MARCHF1: variants seen among roughly 807,000 people sequenced by gnomAD.
MARCHF1 encodes the protein membrane associated ring-CH-type finger 1.
MARCHF1 carries 40 observed loss-of-function variants against 54.2 expected under a neutral mutation model. That is an observed-to-expected ratio of 0.74 (90% CI 0.57 to 0.96). MARCHF1 has a LOEUF of 0.96. Among genes scored for constraint, MARCHF1 ranks in the 40% least tolerant of loss-of-function variants. The pLI, the probability that MARCHF1 is intolerant of heterozygous loss-of-function variation, is 0.00. For missense variants in MARCHF1, 586 were observed against 656.5 expected, an observed-to-expected ratio of 0.89 and a Z score of 1.17; for synonymous variants, 236 against 236.3, an observed-to-expected ratio of 1.00 and a Z score of 0.01.
intron 2 of MARCHF1, among the ~76,000 whole-genome samples, chr4:164,027,474 CA>C (rs1753795827): frequency 6.8e-6 from 1 of 146,226 alleles, no homozygotes; most frequent in African/African-American, 2.5e-5. Flanking sequence ...TGATGATCTA[CA>C]AAGCTGACAA....
chr4:164,167,841 C>G (rs1335314953), intron 1 of MARCHF1, among the ~76,000 whole-genome samples: 3 of 151,834 alleles, frequency 2.0e-5, no homozygotes, highest in Admixed American at 2.0e-4. Context: ...CATAGAAGAG[C>G]TTCTTGACAT....
At chr4:164,258,391 T>TATAATAATAATA (rs201820317) in intron 1 of MARCHF1, among the ~76,000 whole-genome samples, 3,842 of 145,912 alleles carry the variant, frequency 0.026, 89 homozygotes, top group African/African-American at 0.061. Context: ...GAACTTAAAG[T>TATAATAATAATA]ATAATAATAA....
At chr4:164,041,163 A>T (rs899895358) in intron 2 of MARCHF1, among the ~76,000 whole-genome samples, 1 of 152,126 alleles carries the variant, frequency 6.6e-6, no homozygotes, top group Non-Finnish European at 1.5e-5. Flanking sequence ...ATATCTAGAT[A>T]TTTGTCACTT....
chr4:163,879,701 A>G (rs1364705518), intron 3 of MARCHF1, among the ~76,000 whole-genome samples: 2 of 152,182 alleles, frequency 1.3e-5, no homozygotes, highest in Admixed American at 1.3e-4. Flanking sequence ...GATTACTGAA[A>G]AAAAGTCACA....
intron 1 of MARCHF1, among the ~76,000 whole-genome samples, chr4:164,324,193 T>C (rs1735214696): frequency 6.6e-6 from 1 of 151,846 alleles, no homozygotes; most frequent in African/African-American, 2.4e-5. Context: ...ATCATACAAT[T>C]ATAACATTAG....
In MARCHF1 at chr4:164,320,181, C is replaced by A. The variant is rs189942701; in HGVS notation, c.-323+63689G>T. Among the ~76,000 whole-genome samples, 547 of 152,226 alleles carry A rather than the reference C, an allele frequency of 3.6e-3. 5 individuals carry two copies. The highest frequency in any genetic ancestry group is 0.013 in the African/African-American group (525 of 41,536). ...GCTGGAGAAATGATGGAAACCAAAA[C>A]GATATTTCTATCTTCCTGGTATTAA... On this transcript the variant is annotated intron_variant, in intron 1 of 9. Coordinates refer to ENST00000514618, the MANE Select transcript of MARCHF1 (RefSeq NM_001394959.1).
At chr4:163,639,661 C>T (rs528113769) in intron 5 of MARCHF1, among the ~76,000 whole-genome samples, 2 of 152,228 alleles carry the variant, frequency 1.3e-5, no homozygotes, top group East Asian at 3.9e-4. Flanking sequence ...TAAAAATCTT[C>T]CCTGCTTGTC....
At chr4:164,158,093 T>C (rs939789958) in intron 1 of MARCHF1, among the ~76,000 whole-genome samples, 6 of 152,212 alleles carry the variant, frequency 3.9e-5, no homozygotes, top group African/African-American at 9.6e-5. Flanking sequence ...TGATGCTATA[T>C]TTGAAATCCA....
chr4:164,143,025 G>C (rs1161503551), intron 1 of MARCHF1, among the ~76,000 whole-genome samples: 26 of 150,152 alleles, frequency 1.7e-4, no homozygotes, highest in East Asian at 1.4e-3. Flanking sequence ...AGTGAAGAAT[G>C]CAGAAGCCTC....
At chr4:164,113,660 G>A (rs1258315433) in intron 1 of MARCHF1, among the ~76,000 whole-genome samples, 1 of 151,878 alleles carries the variant, frequency 6.6e-6, no homozygotes, top group East Asian at 1.9e-4. Flanking sequence ...AATTGTATAG[G>A]TACGTCTATC....
chr4:164,217,347 T>G (rs1731962488), intron 1 of MARCHF1, among the ~76,000 whole-genome samples: 2 of 152,304 alleles, frequency 1.3e-5, no homozygotes, highest in Admixed American at 6.5e-5. Flanking sequence ...AAATAAGACT[T>G]CAATTAAAGG....
chr4:164,025,666 G>GA (rs996410569), intron 2 of MARCHF1, among the ~76,000 whole-genome samples: 13 of 139,514 alleles, frequency 9.3e-5, no homozygotes, highest in African/African-American at 2.7e-4. Context: ...CGAGAAACTA[G>GA]AAAAAAAACA....
At chr4:163,549,038 A>T (rs1739008000) in intron 8 of MARCHF1, among the ~76,000 whole-genome samples, 1 of 152,148 alleles carries the variant, frequency 6.6e-6, no homozygotes, top group Admixed American at 6.5e-5. Context: ...CCAGGAGTAT[A>T]TTGTTACCAT....
intron 1 of MARCHF1, among the ~76,000 whole-genome samples, chr4:164,233,936 T>A (rs1344437706): frequency 6.6e-6 from 1 of 152,126 alleles, no homozygotes; most frequent in Non-Finnish European, 1.5e-5. Context: ...GAAAACCAAG[T>A]TTTTCTTACA....
At chr4:164,132,901 A>G (rs1402925407) in intron 1 of MARCHF1, among the ~76,000 whole-genome samples, 2 of 152,098 alleles carry the variant, frequency 1.3e-5, no homozygotes, top group Non-Finnish European at 2.9e-5. Context: ...AATTTTACAT[A>G]GTATTTTATT....
intron 8 of MARCHF1, among the ~76,000 whole-genome samples, chr4:163,580,055 C>CTTATTTA (rs1740173885): frequency 8.0e-6 from 1 of 125,556 alleles, no homozygotes; most frequent in African/African-American, 3.1e-5. Context: ...TTTGTAGAGC[C>CTTATTTA]TTATTTATTA....
At chr4:164,230,698 C>A (rs1732392276) in intron 1 of MARCHF1, among the ~76,000 whole-genome samples, 1 of 152,126 alleles carries the variant, frequency 6.6e-6, no homozygotes, top group Non-Finnish European at 1.5e-5. Flanking sequence ...ATCTGGACTA[C>A]AATTGCTTTA....
chr4:164,027,392 A>AAAAAAAAAAAACAAAAAAAAAT (rs1553971149), intron 2 of MARCHF1, among the ~76,000 whole-genome samples: 2 of 58,982 alleles, frequency 3.4e-5, no homozygotes, highest in Non-Finnish European at 6.7e-5. Flanking sequence ...AAAAAAAAAA[A>AAAAAAAAAAAACAAAAAAAAAT]AGATACATAG....
At chr4:163,768,433 T>C (rs1037319503) in intron 4 of MARCHF1, among the ~76,000 whole-genome samples, 2 of 152,184 alleles carry the variant, frequency 1.3e-5, no homozygotes, top group African/African-American at 4.8e-5. Flanking sequence ...ATATTAAAAA[T>C]AGAATTTAAA....
Sources: allele counts gnomAD v4.1 joint callset (sites outside exome capture counted in the v4.1 genomes callset), GRCh38; gene constraint gnomAD v4.1.1; transcripts MANE v1.5; gene names NCBI Gene and HGNC (gene_info 2026-07-23, HGNC 2026-07-21).